The following COL19A1 variants were observed in gnomAD, a reference collection of about 807,000 sequenced individuals.
The protein encoded by COL19A1 is collagen alpha-1(XIX) chain.
Under a neutral mutation model 190.2 loss-of-function variants are expected in COL19A1, and 159 were observed. The ratio of observed to expected loss-of-function variants is 0.84; its 90% confidence interval spans 0.73 to 0.95. The LOEUF is 0.95. COL19A1 is among the 40% of genes least tolerant of loss of function. The pLI, the probability that COL19A1 is intolerant of heterozygous loss-of-function variation, is 0.00. For synonymous variants in COL19A1, 509 were observed against 458.9 expected, an observed-to-expected ratio of 1.11 and a Z score of -1.39; for missense variants, 1,418 against 1,431.9, an observed-to-expected ratio of 0.99 and a Z score of 0.16.
chr6:70,064,287 G>C (rs1327373431), intron 14 of COL19A1, among the ~76,000 whole-genome samples: 1 of 152,170 alleles, frequency 6.6e-6, no homozygotes, highest in Non-Finnish European at 1.5e-5. Context: ...CCATGATCAA[G>C]TGGGCTTCAT....
chr6:69,939,432 G>GA (rs1773312610), intron 9 of COL19A1, among the ~76,000 whole-genome samples: 1 of 152,008 alleles, frequency 6.6e-6, no homozygotes. Context: ...TTTACAGATG[G>GA]AAAAACTGAA....
chr6:69,938,065 G>A lies in COL19A1; in HGVS notation c.901G>A (p.Gly301Ser). The change falls in exon 9 of 51, where the codon GGT becomes AGT. Residue 301 changes from glycine to serine, a missense_variant. Transcript: ENST00000620364. ...KGEAGLPGAP[G>S]SPGQKGHKGE... ...AGAAGCAGGATTACCAGGAGCTCCG[G>A]GTTCACCTGGGCAGAAAGGGCATAA... 1 of 1,612,714 alleles carries A rather than the reference G, an allele frequency of 6.2e-7. No individual in the cohort carries two copies.
At chr6:69,927,057 A>G (rs1251256557) in intron 4 of COL19A1, among the ~76,000 whole-genome samples, 1 of 152,068 alleles carries the variant, frequency 6.6e-6, no homozygotes, top group African/African-American at 2.4e-5. Flanking sequence ...ATTAAGGATT[A>G]AAAAAACCCA....
At chr6:70,194,619 T>G (rs1767078197) in intron 48 of COL19A1, among the ~76,000 whole-genome samples, 1 of 152,166 alleles carries the variant, frequency 6.6e-6, no homozygotes, top group African/African-American at 2.4e-5. Context: ...AGCTTAGCAT[T>G]TGGCTTTAGA....
intron 5 of COL19A1, 24 bp from the exon 6 acceptor site, chr6:69,929,401 T>C (rs748828223): frequency 4.0e-5 from 64 of 1,601,676 alleles, no homozygotes; most frequent in Non-Finnish European, 5.1e-5. Flanking sequence ...TTAAAACATT[T>C]AAAGATACTT....
chr6:70,095,689 T>C (rs934062289), intron 15 of COL19A1, among the ~76,000 whole-genome samples: 4 of 152,202 alleles, frequency 2.6e-5, no homozygotes, highest in African/African-American at 7.2e-5. Context: ...TCCTTTTTTT[T>C]CCTCTTCCTT....
intron 4 of COL19A1, among the ~76,000 whole-genome samples, chr6:69,902,760 C>T (rs980973867): frequency 2.0e-5 from 3 of 152,140 alleles, no homozygotes; most frequent in African/African-American, 4.8e-5. Flanking sequence ...CCCCTACCAA[C>T]GGTTAATTGT....
intron 4 of COL19A1, among the ~76,000 whole-genome samples, chr6:69,916,598 T>C (rs568055669): frequency 2.0e-5 from 3 of 152,332 alleles, no homozygotes; most frequent in African/African-American, 7.2e-5. Flanking sequence ...ACTAGCCACG[T>C]AGGATGTGCA....
chr6:70,045,174 ATGG>A (rs938437753), intron 14 of COL19A1, among the ~76,000 whole-genome samples: 16 of 152,044 alleles, frequency 1.1e-4, no homozygotes, highest in African/African-American at 3.4e-4. Flanking sequence ...TTAGCCAGGC[ATGG>A]TGGTGCATGC....
At position 70,175,863 on chromosome 6, in the gene COL19A1, C is replaced by A. The variant is rs1765768394; in HGVS notation, c.2623-657C>A. Reference sequence around the variant, plus strand: ...ATATCTCGTCATTCATTAAATCAAGCCTTTTATGTCCCTGAGTAAAGTTTT... The same window carrying A: ...ATATCTCGTCATTCATTAAATCAAGACTTTTATGTCCCTGAGTAAAGTTTT... On this transcript the variant is annotated intron_variant, in intron 41 of 50. Coordinates refer to ENST00000620364, the MANE Select transcript of COL19A1 (RefSeq NM_001858.6). Among the ~76,000 whole-genome samples the A allele has an allele frequency of 3.9e-5, 6 of 152,248 alleles. No individual in the cohort carries two copies. The South Asian group carries it at 8.3e-4, about 21-fold the overall frequency.
intron 17 of COL19A1, among the ~76,000 whole-genome samples, chr6:70,122,785 G>C (rs1020115763): frequency 6.6e-6 from 1 of 152,106 alleles, no homozygotes; most frequent in Non-Finnish European, 1.5e-5. Flanking sequence ...CCAAAGAGAA[G>C]TGTCAAAAAA....
At chr6:70,008,109 A>G (rs1400753856) in intron 11 of COL19A1, among the ~76,000 whole-genome samples, 1 of 151,956 alleles carries the variant, frequency 6.6e-6, no homozygotes, top group Non-Finnish European at 1.5e-5. Context: ...TAATCTAAGT[A>G]TCCACCTCCA....
intron 11 of COL19A1, among the ~76,000 whole-genome samples, chr6:69,970,293 G>A (rs543887201): frequency 6.6e-6 from 1 of 152,156 alleles, no homozygotes; most frequent in South Asian, 2.1e-4. Flanking sequence ...TTTATATAGT[G>A]GGACTTGCAG....
chr6:70,124,605 T>G (rs909093997), intron 17 of COL19A1, among the ~76,000 whole-genome samples: 11 of 151,922 alleles, frequency 7.2e-5, no homozygotes, highest in African/African-American at 2.4e-4. Flanking sequence ...GTGGAAAATC[T>G]TGCTAGTAAC....
chr6:70,106,120 T>C (rs1032084272), intron 16 of COL19A1, among the ~76,000 whole-genome samples: 1 of 152,056 alleles, frequency 6.6e-6, no homozygotes, highest in Admixed American at 6.6e-5. Context: ...TTCGGGGGAG[T>C]GTCAGTGAAG....
intron 4 of COL19A1, among the ~76,000 whole-genome samples, chr6:69,916,150 A>G (rs1771286562): frequency 1.3e-5 from 2 of 152,012 alleles, no homozygotes; most frequent in South Asian, 4.2e-4. Flanking sequence ...GTTAGCCAGG[A>G]TGGTCTTGAT....
chr6:70,021,480 A>T (rs2150103470), intron 11 of COL19A1, among the ~76,000 whole-genome samples: 1 of 152,274 alleles, frequency 6.6e-6, no homozygotes, highest in Non-Finnish European at 1.5e-5. Context: ...CCATGGAATT[A>T]TATGTGTCTT....
chr6:70,031,711 G>A (rs1431119464), intron 12 of COL19A1, among the ~76,000 whole-genome samples: 1 of 152,034 alleles, frequency 6.6e-6, no homozygotes, highest in Non-Finnish European at 1.5e-5. Context: ...TTCATCTGTT[G>A]ATGGACACAG....
intron 14 of COL19A1, among the ~76,000 whole-genome samples, chr6:70,043,197 T>TCG (rs1779720270): frequency 1.3e-5 from 2 of 149,516 alleles, no homozygotes; most frequent in Non-Finnish European, 3.0e-5. Context: ...CTTCTTCTTT[T>TCG]TTTTTTTTTT....
Sources: gnomAD v4.1 joint callset for allele counts (sites outside exome capture counted in the v4.1 genomes callset) on GRCh38, gnomAD v4.1.1 for gene constraint, MANE v1.5 for transcripts, NCBI Gene and HGNC (gene_info 2026-07-23, HGNC 2026-07-21) for gene names.